Variants in DNAAF11 observed in about 807,000 individuals in gnomAD.
The protein encoded by DNAAF11 is dynein axonemal assembly factor 11.
Under a neutral mutation model 60.8 loss-of-function variants are expected in DNAAF11, and 45 were observed. The ratio of observed to expected loss-of-function variants is 0.74; its 90% confidence interval spans 0.58 to 0.95. The LOEUF is 0.95. DNAAF11 is among the 40% of genes least tolerant of loss of function. The pLI, the probability that DNAAF11 is intolerant of heterozygous loss-of-function variation, is 0.00. For synonymous variants in DNAAF11, 191 were observed against 183.5 expected (o/e 1.04, Z -0.33); for missense variants, 546 against 546.2 (o/e 1.00, Z 0.00).
At chr8:132,677,319 A>G (rs1309353290), upstream of DNAAF11, among the ~76,000 whole-genome samples, 4 of 152,220 alleles carry the variant, frequency 2.6e-5, no homozygotes. Flanking sequence ...TTCTAAGCTG[A>G]CAAAAGCATG....
At chr8:132,623,314 T>C (rs1054437652) in intron 6 of DNAAF11, among the ~76,000 whole-genome samples, 5 of 152,150 alleles carry the variant, frequency 3.3e-5, no homozygotes, top group Admixed American at 1.3e-4. Flanking sequence ...TAGAAAAGTG[T>C]TGATGATGTA....
chr8:132,658,188 ATTGT>A (rs1823767612), intron 2 of DNAAF11, among the ~76,000 whole-genome samples: 1 of 152,200 alleles, frequency 6.6e-6, no homozygotes, highest in Admixed American at 6.5e-5. Flanking sequence ...CAATTTATGC[ATTGT>A]TTAAATGGAG....
Position 132,637,990 on chromosome 8 carries a change from C to A in DNAAF11, c.374G>T (p.Cys125Phe). 6.2e-7 allele frequency: 1 copy of A among 1,614,102 alleles called. No individual in the cohort carries two copies. Among genetic ancestry groups the A allele is most frequent in the Non-Finnish European group, 8.5e-7 (1 of 1,179,972 alleles). The change falls in exon 4 of 12, where the codon TGT (cysteine) becomes TTT (phenylalanine). Residue 125 changes from cysteine to phenylalanine, a missense_variant. By Grantham distance (205) the Cys-to-Phe change is radical. Coordinates refer to ENST00000620350, the MANE Select transcript of DNAAF11 (RefSeq NM_012472.6). ...LKELFLMGNP[C>F]ASFDHYREFV... is the part of the protein sequence containing the mutation. The stretch of plus-strand genomic sequence containing the variant: ...CTCCCTATAGTGGTCAAAGGAAGCA[C>A]ATGGGTTCCCCATGAGAAAGAGCTC...
chr8:132,646,816 C>A (rs1822443375), intron 3 of DNAAF11, among the ~76,000 whole-genome samples: 1 of 152,082 alleles, frequency 6.6e-6, no homozygotes. Context: ...TATATGCACC[C>A]AATACAGGAG....
intron 10 of DNAAF11, among the ~76,000 whole-genome samples, chr8:132,608,047 T>C (rs559129056): frequency 1.1e-4 from 16 of 152,282 alleles, no homozygotes; most frequent in African/African-American, 3.8e-4. Flanking sequence ...ATTAGAAAGA[T>C]GTTAACTTTC....
chr8:132,631,949 G>T (rs556493425), intron 5 of DNAAF11, among the ~76,000 whole-genome samples: 1 of 151,762 alleles, frequency 6.6e-6, no homozygotes, highest in South Asian at 2.1e-4. Context: ...ACACCAACAT[G>T]GCACATGTAT....
rs577943863 is a variant in DNAAF11 at position 132,646,942 on chromosome 8, G to A, written c.257-8835C>T. On this transcript the variant is annotated intron_variant, in intron 3 of 11. Transcript: ENST00000620350. ...CAACATTAGACAGATCAATGAGACA[G>A]AAAGTTAACAAGGATATCCAGGAAT... Among the ~76,000 whole-genome samples the A allele has an allele frequency of 4.1e-4, 62 of 152,066 alleles. 2 individuals are homozygous for A. In the South Asian group the frequency reaches 0.011, roughly 27 times the overall value.
At chr8:132,668,732 G>A (rs1007095720) in intron 1 of DNAAF11, among the ~76,000 whole-genome samples, 2 of 152,044 alleles carry the variant, frequency 1.3e-5, no homozygotes. Context: ...TTGAGCCACC[G>A]CGCCCGGCCC....
chr8:132,675,332 G>A (rs1157251612), intron 1 of DNAAF11, 152 bp downstream of exon 1: 2 of 735,718 alleles, frequency 2.7e-6, no homozygotes, highest in Non-Finnish European at 4.4e-6. Context: ...TGCAGCCGGG[G>A]CTGCGGTGCG....
chr8:132,698,344 G>A, the DNAAF11 span, among the ~76,000 whole-genome samples: 1 of 150,038 alleles, frequency 6.7e-6, no homozygotes, highest in Non-Finnish European at 1.5e-5. Context: ...CACTACAAGA[G>A]AACATAGATC....
At chr8:132,631,175 T>C (rs1820760939) in intron 5 of DNAAF11, among the ~76,000 whole-genome samples, 1 of 152,166 alleles carries the variant, frequency 6.6e-6, no homozygotes, top group Non-Finnish European at 1.5e-5. Context: ...AGAGAGACCA[T>C]GATGCTACTT....
intron 8 of DNAAF11, 41 bp downstream of exon 8, chr8:132,614,997 G>T: frequency 7.6e-7 from 1 of 1,324,464 alleles, no homozygotes; most frequent in Non-Finnish European, 1.1e-6. Context: ...AATGAAAACA[G>T]ACAGAAATGT....
intron 10 of DNAAF11, among the ~76,000 whole-genome samples, chr8:132,599,076 G>A (rs8180951): frequency 1 from 152,108 of 152,110 alleles, 76,053 homozygotes; most frequent in Middle Eastern, 1. Context: ...ATGCAATAAA[G>A]GATGATAAAG....
intron 5 of DNAAF11, among the ~76,000 whole-genome samples, chr8:132,625,822 G>GC (rs995803113): frequency 2.6e-5 from 4 of 152,152 alleles, no homozygotes; most frequent in African/African-American, 9.7e-5. Context: ...CAGTAGATCT[G>GC]AAGTAGTAGA....
intron 3 of DNAAF11, among the ~76,000 whole-genome samples, chr8:132,641,417 A>G (rs1032731375): frequency 6.6e-6 from 1 of 152,162 alleles, no homozygotes; most frequent in African/African-American, 2.4e-5. Context: ...TTAGAACTTA[A>G]GCTCCATGAA....
At chr8:132,629,246 A>C (rs542244260) in intron 5 of DNAAF11, among the ~76,000 whole-genome samples, 13 of 152,214 alleles carry the variant, frequency 8.5e-5, no homozygotes, top group African/African-American at 2.9e-4. Context: ...AACATGACCC[A>C]AAATCCCATA....
In DNAAF11 at chr8:132,638,121, T is replaced by C. The variant is rs1284665417; in HGVS notation, c.257-14A>G. 6.2e-7 allele frequency: 1 copy of C among 1,608,192 alleles called. No individual in the cohort carries two copies. Among genetic ancestry groups the C allele is most frequent in the African/African-American group, 1.3e-5 (1 of 74,596 alleles). ...GCTCTTCACATCCTGTTGAGAAAAATAAAGTGAAAACAAAGCAAACAAAGA... is the reference window on the plus strand; with the variant it reads ...GCTCTTCACATCCTGTTGAGAAAAACAAAGTGAAAACAAAGCAAACAAAGA... On this transcript the variant is annotated splice_polypyrimidine_tract_variant and intron_variant, in intron 3 of 11. Coordinates refer to ENST00000620350, the MANE Select transcript of DNAAF11 (RefSeq NM_012472.6).
At chr8:132,576,842 C>T (rs1005338607) in intron 11 of DNAAF11, among the ~76,000 whole-genome samples, 1 of 152,144 alleles carries the variant, frequency 6.6e-6, no homozygotes, top group Non-Finnish European at 1.5e-5. Flanking sequence ...ACTGAGCCCC[C>T]GCATCCCTTC....
At chr8:132,693,746 T>A in the DNAAF11 span, among the ~76,000 whole-genome samples, 1 of 152,042 alleles carries the variant, frequency 6.6e-6, no homozygotes, top group East Asian at 1.9e-4. Flanking sequence ...GAATGGACAG[T>A]ATGGATGTCT....
Sources: gnomAD v4.1 joint callset for allele counts (sites outside exome capture counted in the v4.1 genomes callset) on GRCh38, gnomAD v4.1.1 for gene constraint, MANE v1.5 for transcripts, NCBI Gene and HGNC (gene_info 2026-07-23, HGNC 2026-07-21) for gene names.